Variants in SYN3 observed in about 807,000 individuals in gnomAD.
The protein encoded by SYN3 is synapsin-3.
A neutral mutation model predicts 65.8 loss-of-function variants in SYN3; 35 were observed. That is an observed-to-expected ratio of 0.53 (90% confidence interval 0.41 to 0.70). SYN3 has a LOEUF of 0.70. SYN3 is among the 30% of genes least tolerant of loss of function. SYN3 has a pLI of 0.00. For synonymous variants in SYN3, 270 were observed against 292.9 expected, an observed-to-expected ratio of 0.92 and a Z score of 0.80; for missense variants, 680 against 749.0, an observed-to-expected ratio of 0.91 and a Z score of 1.08.
At chr22:32,996,817 T>C (rs1021967083) in intron 2 of SYN3, among the ~76,000 whole-genome samples, 3 of 152,234 alleles carry the variant, frequency 2.0e-5, no homozygotes, top group Non-Finnish European at 4.4e-5. Flanking sequence ...TGGGCACCCT[T>C]TAAGCTCTGG....
intron 6 of SYN3, among the ~76,000 whole-genome samples, chr22:32,648,377 T>C (rs2060014130): frequency 6.6e-6 from 1 of 152,228 alleles, no homozygotes; most frequent in Admixed American, 6.5e-5. Context: ...ATGGTAGTCA[T>C]CAGTTTCTTT....
At chr22:32,606,582 C>T (rs1032579534) in intron 6 of SYN3, among the ~76,000 whole-genome samples, 8 of 152,130 alleles carry the variant, frequency 5.3e-5, no homozygotes, top group African/African-American at 7.2e-5. Flanking sequence ...TCACGGCTTA[C>T]GGGGCTCTGT....
intron 6 of SYN3, among the ~76,000 whole-genome samples, chr22:32,640,089 A>G (rs1186172732): frequency 6.6e-6 from 1 of 151,998 alleles, no homozygotes; most frequent in Non-Finnish European, 1.5e-5. Context: ...CTTTCCTCCA[A>G]CTGAAATGCT....
At chr22:32,876,859 G>C (rs1051171183) in intron 4 of SYN3, among the ~76,000 whole-genome samples, 1 of 152,134 alleles carries the variant, frequency 6.6e-6, no homozygotes, top group African/African-American at 2.4e-5. Flanking sequence ...CTCTTCTTTT[G>C]AAAATTTCCA....
intron 4 of SYN3, among the ~76,000 whole-genome samples, chr22:32,880,642 C>T (rs1452837184): frequency 6.6e-6 from 1 of 152,148 alleles, no homozygotes; most frequent in African/African-American, 2.4e-5. Context: ...ACACCTGGAG[C>T]CGCTGGGGGC....
At chr22:32,688,337 G>A (rs1338402966) in intron 6 of SYN3, among the ~76,000 whole-genome samples, 2 of 152,142 alleles carry the variant, frequency 1.3e-5, no homozygotes, top group Non-Finnish European at 2.9e-5. Context: ...CTGGCTGGGT[G>A]AACAGTTACT....
chr22:32,873,350 T>A (rs2048901260), intron 4 of SYN3, among the ~76,000 whole-genome samples: 1 of 150,380 alleles, frequency 6.6e-6, no homozygotes. Context: ...AAGGATGGAT[T>A]CAACTCTGTT....
At chr22:32,515,672 C>T (rs1209832517) in intron 13 of SYN3, among the ~76,000 whole-genome samples, 4 of 152,170 alleles carry the variant, frequency 2.6e-5, no homozygotes, top group African/African-American at 9.7e-5. Flanking sequence ...TTATTAATTG[C>T]AGCATTATTT....
chr22:32,818,052 C>T (rs991826496), intron 6 of SYN3, among the ~76,000 whole-genome samples: 1 of 152,220 alleles, frequency 6.6e-6, no homozygotes, highest in African/African-American at 2.4e-5. Flanking sequence ...ATCATTAGAA[C>T]ACTTGCCCTA....
chr22:32,633,672 G>A (rs1190633899), intron 6 of SYN3, among the ~76,000 whole-genome samples: 1 of 152,116 alleles, frequency 6.6e-6, no homozygotes, highest in Non-Finnish European at 1.5e-5. Context: ...ACCTAGGCTG[G>A]AGTGCAGTGA....
At chr22:32,697,792 G>A (rs112878837) in intron 6 of SYN3, among the ~76,000 whole-genome samples, 8 of 152,270 alleles carry the variant, frequency 5.3e-5, no homozygotes, top group African/African-American at 1.9e-4. Flanking sequence ...TCTTGATTCC[G>A]AGTCTGGTCA....
chr22:32,970,554 A>G (rs973913368), intron 3 of SYN3, among the ~76,000 whole-genome samples: 2 of 152,092 alleles, frequency 1.3e-5, no homozygotes, highest in African/African-American at 4.8e-5. Flanking sequence ...ATCTCAAAAA[A>G]AAAAAGAAAA....
chr22:32,771,254 C>T (rs1157313297), intron 6 of SYN3, among the ~76,000 whole-genome samples: 2 of 152,196 alleles, frequency 1.3e-5, no homozygotes, highest in Non-Finnish European at 2.9e-5. Flanking sequence ...TTTTTTATGG[C>T]TGCATAGTAT....
chr22:32,520,109 TAGTG>T (rs2057852547), intron 12 of SYN3, among the ~76,000 whole-genome samples: 1 of 152,144 alleles, frequency 6.6e-6, no homozygotes. Context: ...ATAATTTTAA[TAGTG>T]TGTGTGTGCG....
intron 6 of SYN3, among the ~76,000 whole-genome samples, chr22:32,690,912 G>C (rs952451231): frequency 2.1e-4 from 32 of 152,170 alleles, no homozygotes; most frequent in Non-Finnish European, 4.6e-4. Context: ...CACTCCAGAG[G>C]CAGAGGCTGG....
intron 6 of SYN3, among the ~76,000 whole-genome samples, chr22:32,640,728 G>A (rs1418300653): frequency 2.6e-5 from 4 of 152,138 alleles, no homozygotes; most frequent in Admixed American, 6.5e-5. Flanking sequence ...TTAGCCGGGC[G>A]TGGTGGCGGG....
intron 9 of SYN3, among the ~76,000 whole-genome samples, 179 bp from the exon 10 acceptor site, chr22:32,534,074 G>A (rs1232821587): frequency 6.6e-6 from 1 of 152,188 alleles, no homozygotes; most frequent in Non-Finnish European, 1.5e-5. Context: ...GAGAGAGTTG[G>A]AGTCCAACAC....
intron 3 of SYN3, among the ~76,000 whole-genome samples, chr22:32,961,319 ATC>A (rs144339107): frequency 1.2e-3 from 178 of 147,532 alleles, no homozygotes; most frequent in Admixed American, 1.4e-3. Flanking sequence ...TCTTTCTAGC[ATC>A]TCTCTCTCTC....
intron 6 of SYN3, among the ~76,000 whole-genome samples, chr22:32,706,242 C>T (rs2060879526): frequency 6.6e-6 from 1 of 152,070 alleles, no homozygotes; most frequent in Non-Finnish European, 1.5e-5. Flanking sequence ...TCCTTCAATA[C>T]CTACATACTG....
Sources: allele counts gnomAD v4.1 joint callset (sites outside exome capture counted in the v4.1 genomes callset), GRCh38; gene constraint gnomAD v4.1.1; transcripts MANE v1.5; gene names NCBI Gene and HGNC (gene_info 2026-07-23, HGNC 2026-07-21).